SLCO5A1: variants seen among roughly 807,000 people sequenced by gnomAD.
The protein encoded by SLCO5A1 is organic anion transporter polypeptide-related protein 4.
Under a neutral mutation model 65.1 loss-of-function variants are expected in SLCO5A1, and 39 were observed. That is an observed-to-expected ratio of 0.60 (90% CI 0.46 to 0.78). SLCO5A1 has a LOEUF of 0.78. SLCO5A1 is among the 30% of genes least tolerant of loss of function. The probability of loss-of-function intolerance (pLI) is 0.00; values close to 1 mark genes in which losing one functional copy is unlikely to be tolerated. For synonymous variants in SLCO5A1, 438 were observed against 415.7 expected (o/e 1.05, Z -0.65); for missense variants, 1,029 against 1,069.4 (o/e 0.96, Z 0.53).
intron 3 of SLCO5A1, among the ~76,000 whole-genome samples, chr8:69,758,192 AT>A (rs1057213882): frequency 2.0e-5 from 3 of 151,804 alleles, no homozygotes; most frequent in African/African-American, 7.3e-5. Flanking sequence ...ATTTATCTTG[AT>A]TTTTTTCTTT....
At chr8:69,673,795 A>T (rs1435466060) in intron 9 of SLCO5A1, among the ~76,000 whole-genome samples, 2 of 152,328 alleles carry the variant, frequency 1.3e-5, no homozygotes, top group East Asian at 3.9e-4. Context: ...TAGTCCTTGG[A>T]TGCAGGAAAA....
intron 5 of SLCO5A1, among the ~76,000 whole-genome samples, chr8:69,705,766 C>T (rs552455673): frequency 3.3e-5 from 5 of 152,312 alleles, no homozygotes; most frequent in African/African-American, 4.8e-5. Flanking sequence ...CTACCAATCA[C>T]GTTTGTGAAA....
intron 2 of SLCO5A1, among the ~76,000 whole-genome samples, chr8:69,823,973 C>T (rs1310491927): frequency 6.6e-6 from 1 of 152,192 alleles, no homozygotes; most frequent in Admixed American, 6.5e-5. Context: ...TTAAGAAACT[C>T]ACTCAAAACT....
intron 5 of SLCO5A1, chr8:69,713,770 C>T (rs1815386523): frequency 6.6e-6 from 1 of 152,202 alleles, no homozygotes; most frequent in Non-Finnish European, 1.5e-5. Context: ...CTCCACATCA[C>T]AGAGGAAGAA....
intron 2 of SLCO5A1, among the ~76,000 whole-genome samples, chr8:69,775,870 C>T (rs1753588625): frequency 6.6e-6 from 1 of 152,002 alleles, no homozygotes; most frequent in African/African-American, 2.4e-5. Context: ...TAAAAATTAG[C>T]CAGGTGTGGT....
At chr8:69,747,338 T>G (rs1817079646) in intron 4 of SLCO5A1, among the ~76,000 whole-genome samples, 1 of 152,100 alleles carries the variant, frequency 6.6e-6, no homozygotes, top group South Asian at 2.1e-4. Flanking sequence ...GTACTTAAAG[T>G]GCAGTTGGTC....
intron 6 of SLCO5A1, among the ~76,000 whole-genome samples, chr8:69,696,339 C>T (rs1814497848): frequency 1.3e-5 from 2 of 152,272 alleles, no homozygotes; most frequent in South Asian, 2.1e-4. Context: ...AGGCAGAGGC[C>T]GCCTTGGAGA....
At chr8:69,747,226 A>C (rs1254461134) in intron 4 of SLCO5A1, among the ~76,000 whole-genome samples, 2 of 152,196 alleles carry the variant, frequency 1.3e-5, no homozygotes, top group Admixed American at 6.5e-5. Flanking sequence ...TAACCTCGTC[A>C]TATCATCACT....
Position 69,761,807 on chromosome 8 carries a change from A to G in SLCO5A1, c.976T>C (p.Phe326Leu). The part of the protein sequence containing the change: ...GYLLGGLLIG[F>L]YVDPRNPVHL... ...ACAGGATTTCTGGGATCAACATAAA[A>G]ACCAATAAGAAGTCCACCTAATAAA... Residue 326 changes from phenylalanine to leucine, a missense_variant, in exon 3 of 10, where the codon TTT becomes CTT. Physicochemically the swap from Phe to Leu is conservative, Grantham distance 22 (BLOSUM62 0). Around this residue, in one of 3 missense-constraint regions of SLCO5A1, gnomAD observed 647 missense variants for 647.5 expected, o/e 1.00. Transcript: ENST00000260126. 6.2e-7 allele frequency: 1 copy of G among 1,614,030 alleles called. No homozygotes were observed. Among genetic ancestry groups the G allele is most frequent in the South Asian group, 1.1e-5 (1 of 91,078 alleles).
chr8:69,797,921 C>T (rs889363242), intron 2 of SLCO5A1, among the ~76,000 whole-genome samples: 1 of 152,168 alleles, frequency 6.6e-6, no homozygotes, highest in African/African-American at 2.4e-5. Context: ...CTGTGACCCA[C>T]ACCCTATTTG....
intron 5 of SLCO5A1, chr8:69,713,341 T>G (rs1179304137): frequency 1.3e-5 from 2 of 152,266 alleles, no homozygotes; most frequent in Non-Finnish European, 2.9e-5. Flanking sequence ...TAAGCCATCA[T>G]GACATGTGGA....
chr8:69,749,941 C>T (rs540847960), intron 4 of SLCO5A1, among the ~76,000 whole-genome samples: 5 of 152,158 alleles, frequency 3.3e-5, no homozygotes, highest in Admixed American at 2.0e-4. Flanking sequence ...GATAAGGGGC[C>T]ACGTGAGAAG....
At position 69,832,363 on chromosome 8, in the gene SLCO5A1, G is replaced by A. The variant is rs35616937; in HGVS notation, c.311C>T (p.Thr104Ile). The change falls in exon 2 of 10, where the codon ACC becomes ATC. Residue 104 changes from threonine (T) to isoleucine (I), a missense_variant. Physicochemically the swap from Thr to Ile is moderately conservative, Grantham distance 89. Transcript: ENST00000260126. The surrounding 1 kb of genome is among the most constrained non-coding windows in gnomAD (Gnocchi z 4.5). The stretch of plus-strand genomic sequence containing the variant: ...GGCCAAGGCGGAGGACACCGAGAAG[G>A]TTTTGCTGAGGTCCACCCTGTGGTT... The part of the protein sequence containing the change: ...DCNHRVDLSK[T>I]FSVSSALAML... The A allele has an allele frequency of 1.9e-6, 3 of 1,613,968 alleles. No individual in the cohort carries two copies. The highest frequency in any genetic ancestry group is 1.6e-4 in the Middle Eastern group (1 of 6,062).
intron 2 of SLCO5A1, among the ~76,000 whole-genome samples, chr8:69,806,144 T>A (rs1819980099): frequency 6.6e-6 from 1 of 152,242 alleles, no homozygotes; most frequent in South Asian, 2.1e-4. Context: ...TGTTCACACA[T>A]GTGTAAACTT....
chr8:69,669,387 A>G lies in SLCO5A1; in HGVS notation c.*3482T>C, dbSNP rs1480546485. On this transcript the variant is annotated 3_prime_UTR_variant, in exon 10 of 10. Coordinates refer to ENST00000260126, the MANE Select transcript of SLCO5A1 (RefSeq NM_030958.3). ...GCCTTTGTTAACCAAAAGCTATTGT[A>G]TACATTGCGTAGTGTAAAAAATGAA... 2.0e-5 allele frequency: 3 copies of G among 152,220 alleles called. No individual in the cohort carries two copies. Among genetic ancestry groups the G allele is most frequent in the Non-Finnish European group, 4.4e-5 (3 of 68,044 alleles). 9.4% of individuals were successfully genotyped at this position (152,220 alleles called of 1,614,324 possible). A position where few individuals can be genotyped will look rare whatever the true frequency, so the allele number is the denominator to read the frequency against.
At chr8:69,715,176 T>C (rs948664133) in intron 5 of SLCO5A1, among the ~76,000 whole-genome samples, 1 of 152,228 alleles carries the variant, frequency 6.6e-6, no homozygotes, top group African/African-American at 2.4e-5. Context: ...CAGTATTTAC[T>C]TCCGTTTTCC....
At chr8:69,725,592 TA>T (rs1222798932) in intron 5 of SLCO5A1, among the ~76,000 whole-genome samples, 1 of 152,176 alleles carries the variant, frequency 6.6e-6, no homozygotes, top group Non-Finnish European at 1.5e-5. Flanking sequence ...AAGCTATTCA[TA>T]AAAATCAGAG....
chr8:69,763,614 C>CAAAAAAAAAAA (rs770191440), intron 2 of SLCO5A1, among the ~76,000 whole-genome samples: 1 of 13,160 alleles, frequency 7.6e-5, no homozygotes, highest in Non-Finnish European at 1.6e-4. Flanking sequence ...AGCAAGACTC[C>CAAAAAAAAAAA]AAAAAAAAAA....
chr8:69,733,903 T>C (rs899764789), intron 5 of SLCO5A1, among the ~76,000 whole-genome samples: 3 of 152,220 alleles, frequency 2.0e-5, no homozygotes, highest in African/African-American at 7.2e-5. Context: ...GGTCGTCCCA[T>C]CATTTCAGGC....
Sources: gnomAD v4.1 joint callset for allele counts (sites outside exome capture counted in the v4.1 genomes callset) on GRCh38, gnomAD v4.1.1 for gene constraint, gnomAD v4.1.1 regional missense constraint, Gnocchi (gnomAD v3.1) non-coding constraint, MANE v1.5 for transcripts, NCBI Gene and HGNC (gene_info 2026-07-23, HGNC 2026-07-21) for gene names.